Variants in FSTL5 observed in about 807,000 individuals in gnomAD.
FSTL5 encodes follistatin like 5.
In FSTL5, 62 loss-of-function variants were observed where a neutral mutation model predicts 89.1. The observed-to-expected ratio is 0.70, with a 90% CI of 0.57 to 0.86. The LOEUF is 0.86. FSTL5 is among the 40% of genes least tolerant of loss of function. The pLI is 0.00. For missense variants in FSTL5, 1,057 were observed against 1,001.6 expected (o/e 1.06, Z -0.75); for synonymous variants, 383 against 346.2 (o/e 1.11, Z -1.18).
rs1012130190 is a variant in FSTL5 at position 162,096,551 on chromosome 4, A to G, written c.126+14720T>C. On this transcript the variant is annotated intron_variant, in intron 2 of 15. Transcript: ENST00000306100. ...CATACCCAAGTAATCTTAAAGCTCA[A>G]CATAAAACAGAATGAAAACTAGAAA... Among the ~76,000 whole-genome samples, 7 of 152,008 alleles carry G rather than the reference A, an allele frequency of 4.6e-5. No homozygotes were observed. In the South Asian group the frequency reaches 6.2e-4, roughly 14 times the overall value.
At chr4:161,613,412 T>C (rs1003007778) in intron 7 of FSTL5, among the ~76,000 whole-genome samples, 1 of 149,538 alleles carries the variant, frequency 6.7e-6, no homozygotes, top group African/African-American at 2.5e-5. Context: ...ATGGTGCCAC[T>C]GCACTCCAGT....
At chr4:161,511,066 A>G (rs1162474366) in intron 10 of FSTL5, among the ~76,000 whole-genome samples, 3 of 152,160 alleles carry the variant, frequency 2.0e-5, no homozygotes, top group Non-Finnish European at 4.4e-5. Context: ...GAGCTAATAT[A>G]TTAAGATAGA....
chr4:161,441,972 G>T (rs551596888), intron 15 of FSTL5, among the ~76,000 whole-genome samples: 1 of 151,960 alleles, frequency 6.6e-6, no homozygotes, highest in Non-Finnish European at 1.5e-5. Flanking sequence ...TCTTGCAAAT[G>T]CTTTCTTATA....
chr4:162,063,954 A>G (rs1250982075), intron 2 of FSTL5, among the ~76,000 whole-genome samples: 1 of 151,984 alleles, frequency 6.6e-6, no homozygotes, highest in Non-Finnish European at 1.5e-5. Context: ...TTTATCTGGT[A>G]TAGATGATTT....
chr4:162,056,022 A>G (rs1265324723), intron 2 of FSTL5, among the ~76,000 whole-genome samples: 1 of 151,916 alleles, frequency 6.6e-6, no homozygotes, highest in Non-Finnish European at 1.5e-5. Flanking sequence ...CTATATAACC[A>G]AAGAGTAAGA....
intron 4 of FSTL5, among the ~76,000 whole-genome samples, chr4:161,807,351 CCATG>C (rs1730001758): frequency 6.6e-6 from 1 of 152,066 alleles, no homozygotes; most frequent in Admixed American, 6.6e-5. Flanking sequence ...TAAGCATGAG[CCATG>C]GTTCCTAGCC....
At chr4:162,044,026 T>C (rs1738077229) in intron 2 of FSTL5, among the ~76,000 whole-genome samples, 1 of 152,162 alleles carries the variant, frequency 6.6e-6, no homozygotes, top group South Asian at 2.1e-4. Flanking sequence ...AAAACTCCTG[T>C]TAAAGTTGAC....
intron 11 of FSTL5, among the ~76,000 whole-genome samples, chr4:161,509,183 A>C (rs1730574294): frequency 6.6e-6 from 1 of 151,924 alleles, no homozygotes; most frequent in African/African-American, 2.4e-5. Flanking sequence ...CGCTCCTGTA[A>C]CCCCAGCTAC....
intron 2 of FSTL5, among the ~76,000 whole-genome samples, chr4:162,075,457 T>C (rs1729797492): frequency 6.6e-6 from 1 of 151,766 alleles, no homozygotes; most frequent in African/African-American, 2.4e-5. Flanking sequence ...GTCAGCTCCA[T>C]GATGATCTGA....
At position 161,560,041 on chromosome 4, in the gene FSTL5, C is replaced by T. The variant is rs924728956; in HGVS notation, c.1016-17348G>A. ...ACTTTCTTAAAACATTATGAGTTTT[C>T]TTGGTGTGATTTTTTTTTCTTTTAG... is the stretch of plus-strand genomic sequence containing the variant. On this transcript the variant is annotated intron_variant, in intron 8 of 15. Coordinates refer to ENST00000306100, the MANE Select transcript of FSTL5 (RefSeq NM_020116.5). 6.2e-5 allele frequency among the ~76,000 whole-genome samples: 8 copies of T among 128,028 alleles called. No individual in the cohort carries two copies. The South Asian group carries it at 1.2e-3, about 19-fold the overall frequency. The allele number at this position is 128,028 out of a possible 152,430, so 84.0% of individuals were successfully genotyped here.
chr4:161,708,954 T>C (rs968178338), intron 6 of FSTL5, among the ~76,000 whole-genome samples: 12 of 152,294 alleles, frequency 7.9e-5, no homozygotes, highest in South Asian at 2.1e-4. Context: ...TTTTCTGCTT[T>C]AGTGTTTTAT....
intron 15 of FSTL5, among the ~76,000 whole-genome samples, chr4:161,452,641 G>T (rs2314095): frequency 0.93 from 141,207 of 152,106 alleles, 65,497 homozygotes; most frequent in East Asian, 0.96. Context: ...TCGCATTCAC[G>T]GTAGTAAAAT....
intron 4 of FSTL5, among the ~76,000 whole-genome samples, chr4:161,824,969 CA>C (rs1710293928): frequency 6.6e-6 from 1 of 152,078 alleles, no homozygotes; most frequent in Middle Eastern, 3.2e-3. Flanking sequence ...TTGTCTGGTT[CA>C]AATTCTCAGA....
intron 3 of FSTL5, among the ~76,000 whole-genome samples, chr4:162,026,192 G>A (rs529555630): frequency 1.3e-5 from 2 of 149,892 alleles, no homozygotes; most frequent in African/African-American, 4.9e-5. Flanking sequence ...GGTAAGTGAA[G>A]TTATTCCTTC....
chr4:161,695,424 C>CGTGTGTGTGTGTGT (rs151205054), intron 6 of FSTL5, among the ~76,000 whole-genome samples: 1,934 of 134,220 alleles, frequency 0.014, 19 homozygotes, highest in African/African-American at 0.027. Flanking sequence ...CCATGGTGTA[C>CGTGTGTGTGTGTGT]GTGTGTGTGT....
rs910657010 is a variant in FSTL5 at position 161,616,824 on chromosome 4, A to G, written c.895-29249T>C. Among the ~76,000 whole-genome samples, 8 of 151,658 alleles carry G rather than the reference A, an allele frequency of 5.3e-5. No individual in the cohort carries two copies. The South Asian group carries it at 1.5e-3, about 28-fold the overall frequency. ...TGACACATGTTTACCTATGTAACAA[A>G]CCTGCATATCCTGCACAGGTACCCT... On this transcript the variant is annotated intron_variant, in intron 7 of 15. Coordinates refer to ENST00000306100, the MANE Select transcript of FSTL5 (RefSeq NM_020116.5).
At chr4:161,988,054 A>C (rs1318195709) in intron 3 of FSTL5, among the ~76,000 whole-genome samples, 1 of 144,042 alleles carries the variant, frequency 6.9e-6, no homozygotes, top group Non-Finnish European at 1.5e-5. Context: ...TGATTGGACT[A>C]AAAAAACCAC....
intron 4 of FSTL5, among the ~76,000 whole-genome samples, chr4:161,906,110 A>G (rs1733514629): frequency 6.6e-6 from 1 of 151,932 alleles, no homozygotes; most frequent in Non-Finnish European, 1.5e-5. Flanking sequence ...ACTAGTTATC[A>G]GTGGTTAAAG....
chr4:162,158,817 A>G (rs1361766885), intron 1 of FSTL5, among the ~76,000 whole-genome samples: 1 of 152,096 alleles, frequency 6.6e-6, no homozygotes, highest in Non-Finnish European at 1.5e-5. Context: ...AATATTTTGA[A>G]TGGTATCTAT....
Sources: gnomAD v4.1 joint callset for allele counts (sites outside exome capture counted in the v4.1 genomes callset) on GRCh38, gnomAD v4.1.1 for gene constraint, MANE v1.5 for transcripts, NCBI Gene and HGNC (gene_info 2026-07-23, HGNC 2026-07-21) for gene names.